The following NALF1 variants were observed in gnomAD, a reference collection of about 807,000 sequenced individuals.
NALF1 encodes the protein family with sequence similarity 155 member A.
NALF1 carries 3 observed loss-of-function variants against 48.4 expected under a neutral mutation model. The ratio of observed to expected loss-of-function variants is 0.06; its 90% CI spans 0.03 to 0.16. The LOEUF is 0.16. Among genes scored for constraint, NALF1 ranks in the 10% least tolerant of loss-of-function variants. NALF1 has a pLI of 1.00. For synonymous variants in NALF1, 262 were observed against 245.7 expected, an observed-to-expected ratio of 1.07 and a Z score of -0.62; for missense variants, 526 against 571.5, an observed-to-expected ratio of 0.92 and a Z score of 0.81.
intron 1 of NALF1, among the ~76,000 whole-genome samples, chr13:107,304,821 G>A (rs990427033): frequency 1.1e-4 from 16 of 152,204 alleles, no homozygotes; most frequent in Admixed American, 3.9e-4. Context: ...CTATGCAAAT[G>A]TTATGTATTA....
intron 1 of NALF1, among the ~76,000 whole-genome samples, chr13:107,564,125 G>A (rs1173769084): frequency 6.6e-6 from 1 of 152,084 alleles, no homozygotes; most frequent in East Asian, 1.9e-4. Context: ...CTGAAAGAAT[G>A]GAGATAATGC....
intron 1 of NALF1, among the ~76,000 whole-genome samples, chr13:107,342,752 A>T (rs1464554133): frequency 3.9e-5 from 6 of 152,332 alleles, no homozygotes; most frequent in Admixed American, 1.3e-4. Context: ...TATAGAAGAG[A>T]TATAAAAGGA....
chr13:107,253,791 T>C (rs1594090914), intron 1 of NALF1, among the ~76,000 whole-genome samples: 1 of 152,064 alleles, frequency 6.6e-6, no homozygotes, highest in Non-Finnish European at 1.5e-5. Flanking sequence ...ACCTCATCTG[T>C]TCCTCTCCCG....
intron 1 of NALF1, among the ~76,000 whole-genome samples, chr13:107,302,803 A>G (rs567235615): frequency 2.6e-5 from 4 of 152,212 alleles, no homozygotes; most frequent in Non-Finnish European, 5.9e-5. Context: ...ACTGCAGGCT[A>G]CATATGATTT....
intron 1 of NALF1, among the ~76,000 whole-genome samples, chr13:107,278,125 T>C (rs1358323903): frequency 6.6e-6 from 1 of 152,238 alleles, no homozygotes; most frequent in Non-Finnish European, 1.5e-5. Flanking sequence ...ACCACATTGA[T>C]GATCAGGTCA....
At chr13:107,537,253 G>A (rs1315422167) in intron 1 of NALF1, among the ~76,000 whole-genome samples, 1 of 151,874 alleles carries the variant, frequency 6.6e-6, no homozygotes, top group Admixed American at 6.6e-5. Context: ...AAAAAAAAGG[G>A]AGTGTTTCAT....
At chr13:107,601,371 T>C (rs9559086) in intron 1 of NALF1, among the ~76,000 whole-genome samples, 37,137 of 152,166 alleles carry the variant, frequency 0.24, 5,214 homozygotes, top group East Asian at 0.38. Flanking sequence ...TAAAAGAGAA[T>C]TGTGGACATT....
intron 1 of NALF1, among the ~76,000 whole-genome samples, chr13:107,807,844 C>G (rs1044964713): frequency 1.3e-5 from 2 of 152,130 alleles, no homozygotes; most frequent in African/African-American, 2.4e-5. Flanking sequence ...ACAGCTCACA[C>G]GGACTACCAT....
intron 1 of NALF1, among the ~76,000 whole-genome samples, chr13:107,302,330 T>A (rs1056207659): frequency 6.6e-6 from 1 of 152,180 alleles, no homozygotes; most frequent in Non-Finnish European, 1.5e-5. Context: ...TATTCTGTTA[T>A]GAGCAACAGA....
At chr13:107,841,689 GTTTTA>G in intron 1 of NALF1, among the ~76,000 whole-genome samples, 1 of 150,486 alleles carries the variant, frequency 6.6e-6, no homozygotes, top group African/African-American at 2.4e-5. Context: ...ACTTTGTTTT[GTTTTA>G]TTTTGTTTTA....
At chr13:107,316,963 C>T (rs937185064) in intron 1 of NALF1, among the ~76,000 whole-genome samples, 1 of 151,948 alleles carries the variant, frequency 6.6e-6, no homozygotes, top group Non-Finnish European at 1.5e-5. Context: ...ATGGGAAGTA[C>T]TGAAAATCAA....
chr13:107,637,589 G>A (rs1443848643), intron 1 of NALF1, among the ~76,000 whole-genome samples: 1 of 151,928 alleles, frequency 6.6e-6, no homozygotes. Flanking sequence ...TATCCTTTTT[G>A]CCAAAAAGTA....
At chr13:107,450,627 C>T (rs74114538) in intron 1 of NALF1, among the ~76,000 whole-genome samples, 2,990 of 152,136 alleles carry the variant, frequency 0.02, 100 homozygotes, top group African/African-American at 0.068. Flanking sequence ...GAATCAAGGG[C>T]GAGAAAGGCT....
intron 1 of NALF1, among the ~76,000 whole-genome samples, chr13:107,773,069 A>G (rs1877623405): frequency 1.3e-5 from 2 of 152,208 alleles, no homozygotes; most frequent in South Asian, 4.1e-4. Context: ...GGTAACATGA[A>G]TAATTTACAA....
intron 1 of NALF1, among the ~76,000 whole-genome samples, chr13:107,225,259 T>A (rs1880078817): frequency 6.6e-6 from 1 of 152,178 alleles, no homozygotes; most frequent in Admixed American, 6.5e-5. Context: ...TCCACCCGCC[T>A]CGGCCTCCCA....
chr13:107,204,789 A>G (rs533425155), intron 2 of NALF1, among the ~76,000 whole-genome samples: 1 of 152,234 alleles, frequency 6.6e-6, no homozygotes, highest in African/African-American at 2.4e-5. Context: ...ATATTTATTA[A>G]AATATTTTGT....
intron 1 of NALF1, among the ~76,000 whole-genome samples, chr13:107,628,362 T>C (rs185186732): frequency 8.6e-4 from 131 of 152,266 alleles, no homozygotes; most frequent in Non-Finnish European, 1.4e-3. Flanking sequence ...ATGGACACTA[T>C]ATATCCCAGT....
At chr13:107,795,979 C>A (rs1878410584) in intron 1 of NALF1, among the ~76,000 whole-genome samples, 1 of 152,036 alleles carries the variant, frequency 6.6e-6, no homozygotes. Context: ...TTGAATACTA[C>A]TAGGCTTAAG....
chr13:107,469,360 T>C (rs1594079728), intron 1 of NALF1, among the ~76,000 whole-genome samples: 1 of 152,166 alleles, frequency 6.6e-6, no homozygotes, highest in Non-Finnish European at 1.5e-5. Flanking sequence ...CAGTTATAGA[T>C]AAGAGACATG....
Sources: gnomAD v4.1 joint callset for allele counts (sites outside exome capture counted in the v4.1 genomes callset) on GRCh38, gnomAD v4.1.1 for gene constraint, MANE v1.5 for transcripts, NCBI Gene and HGNC (gene_info 2026-07-23, HGNC 2026-07-21) for gene names.